The following GPC6 variants were observed in gnomAD, a reference collection of about 807,000 sequenced individuals.
The protein encoded by GPC6 is glypican 6, also known as glypican-6.
A neutral mutation model predicts 55.2 loss-of-function variants in GPC6; 14 were observed. That is an observed-to-expected ratio of 0.25 (90% CI 0.17 to 0.40). The LOEUF (loss-of-function observed/expected upper bound fraction) is 0.40. GPC6 is among the 10% of genes least tolerant of loss of function. GPC6 has a pLI of 1.00. For missense variants in GPC6, 641 were observed against 708.5 expected (o/e 0.90, Z 1.08); for synonymous variants, 278 against 259.6 (o/e 1.07, Z -0.68).
chr13:93,677,684 G>A (rs567885047), intron 2 of GPC6, among the ~76,000 whole-genome samples: 4 of 152,044 alleles, frequency 2.6e-5, no homozygotes, highest in African/African-American at 9.7e-5. Flanking sequence ...TTAATAAACT[G>A]TCTGTCATTA....
intron 4 of GPC6, among the ~76,000 whole-genome samples, chr13:94,189,309 A>G (rs1480926444): frequency 1.3e-5 from 2 of 152,318 alleles, no homozygotes; most frequent in East Asian, 1.9e-4. Context: ...TGAGTTTCAC[A>G]TAAGAGCAGA....
intron 2 of GPC6, among the ~76,000 whole-genome samples, chr13:93,791,994 T>C (rs938383854): frequency 1.3e-5 from 2 of 152,246 alleles, no homozygotes; most frequent in Non-Finnish European, 2.9e-5. Flanking sequence ...AGATTTTTTT[T>C]CTAAAGAATG....
At chr13:93,460,427 A>G (rs1256099805) in intron 1 of GPC6, among the ~76,000 whole-genome samples, 1 of 152,216 alleles carries the variant, frequency 6.6e-6, no homozygotes, top group Admixed American at 6.5e-5. Flanking sequence ...ATTTTATACA[A>G]TAAAGTTAGG....
At chr13:93,449,315 C>T (rs1878126496) in intron 1 of GPC6, among the ~76,000 whole-genome samples, 1 of 152,172 alleles carries the variant, frequency 6.6e-6, no homozygotes, top group African/African-American at 2.4e-5. Flanking sequence ...ATTGCCAGGA[C>T]ATCCAGTATG....
chr13:93,573,784 T>C (rs1013102066), intron 2 of GPC6, among the ~76,000 whole-genome samples: 37 of 152,320 alleles, frequency 2.4e-4, no homozygotes, highest in African/African-American at 8.4e-4. Flanking sequence ...TACCAATTAA[T>C]ACTGATAAGT....
chr13:94,182,777 T>C (rs773688615), intron 4 of GPC6, among the ~76,000 whole-genome samples: 48 of 152,158 alleles, frequency 3.2e-4, no homozygotes, highest in Admixed American at 6.5e-4. Context: ...AACCATTTTA[T>C]TTATGTATGT....
At chr13:94,053,520 G>C (rs1884027354) in intron 4 of GPC6, among the ~76,000 whole-genome samples, 1 of 152,136 alleles carries the variant, frequency 6.6e-6, no homozygotes, top group Admixed American at 6.6e-5. Flanking sequence ...TGTGAAGGAA[G>C]AAATAGAAGC....
chr13:94,118,691 C>A (rs934830154), intron 4 of GPC6, among the ~76,000 whole-genome samples: 4 of 152,070 alleles, frequency 2.6e-5, no homozygotes. Context: ...TTTATTCTCC[C>A]TTCTTTAGCT....
chr13:93,772,564 A>G (rs1885336879), intron 2 of GPC6, among the ~76,000 whole-genome samples: 2 of 152,122 alleles, frequency 1.3e-5, no homozygotes, highest in Admixed American at 1.3e-4. Context: ...AGAAATATTA[A>G]AAGGCGATAT....
intron 4 of GPC6, among the ~76,000 whole-genome samples, chr13:94,110,062 TAAAAAAAAAAAA>T (rs78404632): frequency 1.2e-5 from 1 of 84,632 alleles, no homozygotes; most frequent in Non-Finnish European, 2.5e-5. Context: ...CACCCTGGAC[TAAAAAAAAAAAA>T]AAAAAAAGAA....
At chr13:94,264,986 TC>T (rs1375094023) in intron 4 of GPC6, among the ~76,000 whole-genome samples, 1 of 152,064 alleles carries the variant, frequency 6.6e-6, no homozygotes, top group Non-Finnish European at 1.5e-5. Flanking sequence ...GGGAAACTGC[TC>T]CCATGTTTCA....
At chr13:93,407,847 T>C (rs1013013036) in intron 1 of GPC6, among the ~76,000 whole-genome samples, 3 of 152,202 alleles carry the variant, frequency 2.0e-5, no homozygotes, top group African/African-American at 7.2e-5. Context: ...ATCATATGGC[T>C]GTGTAAAGAT....
chr13:93,593,353 A>G (rs983290891), intron 2 of GPC6, among the ~76,000 whole-genome samples: 3 of 152,168 alleles, frequency 2.0e-5, no homozygotes, highest in Non-Finnish European at 1.5e-5. Context: ...GGATAGATAT[A>G]TGAATGAATA....
At chr13:93,801,322 C>CAAAAG (rs1886360409) in intron 2 of GPC6, among the ~76,000 whole-genome samples, 1 of 152,104 alleles carries the variant, frequency 6.6e-6, no homozygotes, top group African/African-American at 2.4e-5. Context: ...ACAAAGAAGA[C>CAAAAG]AAAAGAATAT....
At chr13:94,240,680 C>G (rs183009585) in intron 4 of GPC6, among the ~76,000 whole-genome samples, 1 of 152,140 alleles carries the variant, frequency 6.6e-6, no homozygotes, top group African/African-American at 2.4e-5. Context: ...GGTAGTATTT[C>G]AGAGAGTGAT....
intron 1 of GPC6, among the ~76,000 whole-genome samples, chr13:93,501,986 T>C (rs778801990): frequency 1.3e-4 from 20 of 152,160 alleles, no homozygotes; most frequent in Non-Finnish European, 2.6e-4. Context: ...GAGTGTTAAC[T>C]TGAAGATCAG....
chr13:93,750,262 TTTG>T (rs1165061433), intron 2 of GPC6, among the ~76,000 whole-genome samples: 13 of 152,082 alleles, frequency 8.5e-5, no homozygotes, highest in African/African-American at 1.9e-4. Context: ...TCTACGAAAA[TTTG>T]TTGTTTGGGA....
intron 1 of GPC6, among the ~76,000 whole-genome samples, chr13:93,289,249 A>ATGCCTGACTCATATTCTTTCCC (rs1455186564): frequency 1.3e-5 from 2 of 152,182 alleles, no homozygotes; most frequent in Non-Finnish European, 1.5e-5. Flanking sequence ...GGGAGTCAGA[A>ATGCCTGACTCATATTCTTTCCC]TGCCTGACTC....
intron 1 of GPC6, among the ~76,000 whole-genome samples, chr13:93,520,629 C>A (rs1448441842): frequency 6.6e-6 from 1 of 151,402 alleles, no homozygotes; most frequent in African/African-American, 2.4e-5. Context: ...TGTAAAGATT[C>A]TCTGTGTTTT....
Sources: gnomAD v4.1 joint callset for allele counts (sites outside exome capture counted in the v4.1 genomes callset) on GRCh38, gnomAD v4.1.1 for gene constraint, MANE v1.5 for transcripts, NCBI Gene and HGNC (gene_info 2026-07-23, HGNC 2026-07-21) for gene names.